Variants in PIBF1 observed in about 807,000 individuals in gnomAD.
The protein encoded by PIBF1 is progesterone immunomodulatory binding factor 1.
A neutral mutation model predicts 112.5 loss-of-function variants in PIBF1; 90 were observed. The ratio of observed to expected loss-of-function variants is 0.80; its 90% confidence interval spans 0.67 to 0.95. The LOEUF (loss-of-function observed/expected upper bound fraction) is 0.95. Among genes scored for constraint, PIBF1 ranks in the 40% least tolerant of loss-of-function variants. The pLI is 0.00. For synonymous variants in PIBF1, 301 were observed against 288.6 expected (o/e 1.04, Z -0.44); for missense variants, 915 against 852.3 (o/e 1.07, Z -0.92).
At chr13:72,939,833 C>T (rs2138810611) in intron 14 of PIBF1, among the ~76,000 whole-genome samples, 1 of 152,190 alleles carries the variant, frequency 6.6e-6, no homozygotes, top group Non-Finnish European at 1.5e-5. Flanking sequence ...TTCTCTCCCT[C>T]TCTCTCTTTT....
At chr13:72,966,016 G>T (rs186505854) in intron 15 of PIBF1, among the ~76,000 whole-genome samples, 2 of 152,104 alleles carry the variant, frequency 1.3e-5, no homozygotes, top group African/African-American at 4.8e-5. Flanking sequence ...AAATGAAACA[G>T]TTTTACTTGT....
intron 10 of PIBF1, among the ~76,000 whole-genome samples, chr13:72,873,462 G>T (rs994375089): frequency 6.6e-6 from 1 of 152,034 alleles, no homozygotes; most frequent in Non-Finnish European, 1.5e-5. Context: ...GCTGCAGTGG[G>T]CACGATCTCT....
At chr13:72,790,463 A>ACACACACACT (rs1555280999) in intron 2 of PIBF1, among the ~76,000 whole-genome samples, 8 of 144,270 alleles carry the variant, frequency 5.5e-5, no homozygotes, top group Non-Finnish European at 1.1e-4. Flanking sequence ...ACACACACAC[A>ACACACACACT]CTTATAGATA....
intron 8 of PIBF1, among the ~76,000 whole-genome samples, chr13:72,831,274 C>G (rs531846550): frequency 6.6e-6 from 1 of 151,636 alleles, no homozygotes; most frequent in East Asian, 1.9e-4. Flanking sequence ...TTCAGTTCTG[C>G]TCTGATCTTA....
chr13:72,973,481 A>C, intron 15 of PIBF1, 110 bp from the exon 16 acceptor site: 1 of 575,770 alleles, frequency 1.7e-6, no homozygotes, highest in Admixed American at 4.0e-5. Context: ...CTATAAATTT[A>C]TCTTTAGTTC....
At chr13:72,841,539 G>A (rs1302569654) in intron 9 of PIBF1, among the ~76,000 whole-genome samples, 1 of 152,160 alleles carries the variant, frequency 6.6e-6, no homozygotes, top group Non-Finnish European at 1.5e-5. Context: ...GGGAGACTGA[G>A]GCAGATGGAT....
At chr13:72,802,885 A>G (rs1478589664) in intron 5 of PIBF1, among the ~76,000 whole-genome samples, 2 of 152,202 alleles carry the variant, frequency 1.3e-5, no homozygotes, top group East Asian at 1.9e-4. Context: ...AGAGAGAAGG[A>G]GGAGTTACCA....
intron 1 of PIBF1, among the ~76,000 whole-genome samples, chr13:72,782,798 A>G (rs1316396987): frequency 6.6e-6 from 1 of 151,970 alleles, no homozygotes; most frequent in Non-Finnish European, 1.5e-5. Context: ...AACATCTTCA[A>G]TGATGCCTCA....
At chr13:72,866,716 T>G (rs1458470571) in intron 10 of PIBF1, among the ~76,000 whole-genome samples, 1 of 152,208 alleles carries the variant, frequency 6.6e-6, no homozygotes. Context: ...TTTAGGCCAT[T>G]TAATTGCTAG....
chr13:73,006,217 C>T (rs2044030595), intron 17 of PIBF1, among the ~76,000 whole-genome samples: 1 of 152,284 alleles, frequency 6.6e-6, no homozygotes, highest in East Asian at 1.9e-4. Flanking sequence ...CCACGCCTGG[C>T]CCGGTCTCAC....
At chr13:72,997,003 G>A (rs2043696063) in intron 16 of PIBF1, among the ~76,000 whole-genome samples, 1 of 152,158 alleles carries the variant, frequency 6.6e-6, no homozygotes, top group African/African-American at 2.4e-5. Flanking sequence ...ATTAACGAAA[G>A]TGGTACTGTG....
chr13:72,860,402 C>T (rs1303772554), intron 10 of PIBF1, among the ~76,000 whole-genome samples: 2 of 143,166 alleles, frequency 1.4e-5, no homozygotes, highest in Non-Finnish European at 3.0e-5. Context: ...GTATAGAGTG[C>T]CTATGTTGCC....
intron 16 of PIBF1, among the ~76,000 whole-genome samples, chr13:72,988,712 G>A (rs1051588381): frequency 2.6e-5 from 4 of 152,094 alleles, no homozygotes; most frequent in African/African-American, 7.2e-5. Flanking sequence ...ATTTTTATCT[G>A]TTAAAAATTC....
At chr13:72,857,515 A>G (rs1279769758) in intron 10 of PIBF1, among the ~76,000 whole-genome samples, 2 of 152,234 alleles carry the variant, frequency 1.3e-5, no homozygotes, top group African/African-American at 2.4e-5. Context: ...CTCCAAATCA[A>G]TAAGTCAACA....
Position 73,015,871 on chromosome 13 carries a change from T to TA in PIBF1, c.2232dup (p.Glu745ArgfsTer4). The TA allele has an allele frequency of 6.4e-7, 1 of 1,570,894 alleles. No individual in the cohort carries two copies. The highest frequency in any genetic ancestry group is 8.7e-7 in the Non-Finnish European group (1 of 1,155,656). Reference sequence around the variant, plus strand: ...TTTCTTTTTCTTTTTTTAAACAGACTAAAAAAGAAGCACCTGAGTGGTCTA... The same window carrying TA: ...TTTCTTTTTCTTTTTTTAAACAGACTAAAAAAAGAAGCACCTGAGTGGTCTA... On this transcript the variant is annotated frameshift_variant, in exon 18 of 18. Transcript: ENST00000326291. LOFTEE classifies it high-confidence loss of function.
chr13:72,796,179 T>A (rs1264208650), intron 4 of PIBF1, among the ~76,000 whole-genome samples: 2 of 152,160 alleles, frequency 1.3e-5, no homozygotes, highest in Non-Finnish European at 2.9e-5. Context: ...TTAAGAGTGA[T>A]AATGTCATAT....
intron 10 of PIBF1, among the ~76,000 whole-genome samples, chr13:72,871,207 C>T (rs2039148607): frequency 6.6e-6 from 1 of 152,032 alleles, no homozygotes; most frequent in African/African-American, 2.4e-5. Context: ...CCATCCCTCA[C>T]AAAGAAAAAA....
intron 6 of PIBF1, among the ~76,000 whole-genome samples, chr13:72,825,873 C>A (rs2036785617): frequency 6.9e-6 from 1 of 144,698 alleles, no homozygotes; most frequent in Non-Finnish European, 1.5e-5. Context: ...TAAGACTAGC[C>A]AGGGCAATAT....
At chr13:72,861,000 T>C (rs1414654770) in intron 10 of PIBF1, among the ~76,000 whole-genome samples, 1 of 152,222 alleles carries the variant, frequency 6.6e-6, no homozygotes, top group Non-Finnish European at 1.5e-5. Flanking sequence ...TCAGTGTTTG[T>C]AGTAGAATAA....
Sources: allele counts gnomAD v4.1 joint callset (sites outside exome capture counted in the v4.1 genomes callset), GRCh38; gene constraint gnomAD v4.1.1; transcripts MANE v1.5; gene names NCBI Gene and HGNC (gene_info 2026-07-23, HGNC 2026-07-21).